The following SYTL5 variants were observed in gnomAD, a reference collection of about 807,000 sequenced individuals.
The protein encoded by SYTL5 is synaptotagmin like 5.
Under a neutral mutation model 55.9 loss-of-function variants are expected in SYTL5, and 34 were observed. The ratio of observed to expected loss-of-function variants is 0.61; its 90% CI spans 0.46 to 0.81. The LOEUF (loss-of-function observed/expected upper bound fraction) is 0.81, where lower values mean the gene tolerates loss of function less well. SYTL5 is among the 30% of genes least tolerant of loss of function. The pLI, the probability that SYTL5 is intolerant of heterozygous loss-of-function variation, is 0.00. For synonymous variants in SYTL5, 221 were observed against 188.7 expected (o/e 1.17, Z -1.40); for missense variants, 637 against 546.7 (o/e 1.17, Z -1.65).
the SYTL5 span, among the ~76,000 whole-genome samples, chrX:37,998,039 C>G: frequency 1.8e-5 from 2 of 112,041 alleles, no homozygotes; most frequent in African/African-American, 6.5e-5. Flanking sequence ...AGAGGAGCTT[C>G]CCACTCCAAG....
the SYTL5 span, among the ~76,000 whole-genome samples, chrX:37,899,339 A>T: frequency 9.0e-6 from 1 of 111,384 alleles, no homozygotes; most frequent in Non-Finnish European, 1.9e-5. Flanking sequence ...TAGCTGAGCT[A>T]ATGAGGCTCA....
chrX:37,908,082 A>T, the SYTL5 span, among the ~76,000 whole-genome samples: 1 of 102,055 alleles, frequency 9.8e-6, no homozygotes. Context: ...GCACCACTAC[A>T]TTCTAGTTTG....
At chrX:38,119,296 T>C (rs769689074) in intron 13 of SYTL5, among the ~76,000 whole-genome samples, 2 of 111,673 alleles carry the variant, frequency 1.8e-5, no homozygotes, top group South Asian at 3.8e-4. Context: ...TAATACCACA[T>C]GTCCCTCAGG....
At chrX:38,049,121 A>T (rs1274904230) in intron 2 of SYTL5, among the ~76,000 whole-genome samples, 1 of 110,945 alleles carries the variant, frequency 9.0e-6, no homozygotes, top group Non-Finnish European at 1.9e-5. Context: ...TATTTTAGTG[A>T]TTTTTGTGTC....
intron 1 of SYTL5, among the ~76,000 whole-genome samples, chrX:38,011,921 ATAACT>A (rs778346493): frequency 7.2e-5 from 8 of 111,567 alleles, no homozygotes; most frequent in Non-Finnish European, 1.1e-4. Context: ...AGCTACAAAA[ATAACT>A]TAATAGGCTT....
the SYTL5 span, among the ~76,000 whole-genome samples, chrX:37,972,677 G>A: frequency 8.9e-6 from 1 of 111,863 alleles, no homozygotes; most frequent in African/African-American, 3.3e-5. Flanking sequence ...GAGAACATGT[G>A]CCCCAGGTCT....
At chrX:37,900,270 T>A in the SYTL5 span, among the ~76,000 whole-genome samples, 1 of 112,399 alleles carries the variant, frequency 8.9e-6, no homozygotes, top group African/African-American at 3.2e-5. Flanking sequence ...CCAGATAGTG[T>A]TCTAGGCATT....
chrX:37,906,204 G>C, the SYTL5 span: 3 of 112,128 alleles, frequency 2.7e-5, no homozygotes, highest in African/African-American at 9.7e-5. Flanking sequence ...CGGGGAGGGG[G>C]TCTTCCAGCC....
At chrX:37,992,197 GC>G in the SYTL5 span, among the ~76,000 whole-genome samples, 1 of 112,878 alleles carries the variant, frequency 8.9e-6, no homozygotes, top group Non-Finnish European at 1.9e-5. Context: ...CCAAGTGGCG[GC>G]CTCTAAAGCA....
the SYTL5 span, among the ~76,000 whole-genome samples, chrX:37,935,293 T>A: frequency 1.2e-4 from 13 of 111,767 alleles, no homozygotes; most frequent in East Asian, 2.2e-3. Flanking sequence ...GCATTCCGGA[T>A]AAATAAAAAC....
At chrX:37,964,656 G>A in the SYTL5 span, among the ~76,000 whole-genome samples, 6 of 111,314 alleles carry the variant, frequency 5.4e-5, no homozygotes, top group Non-Finnish European at 1.1e-4. Context: ...AAGACTTTGA[G>A]AATTATTGGT....
At chrX:37,960,962 A>AT in the SYTL5 span, among the ~76,000 whole-genome samples, 13 of 107,146 alleles carry the variant, frequency 1.2e-4, no homozygotes, top group Non-Finnish European at 2.1e-4. Context: ...CGCCCAGCTA[A>AT]TTTTTTTGTA....
the SYTL5 span, chrX:37,939,468 G>C: frequency 1.8e-5 from 2 of 111,576 alleles, no homozygotes; most frequent in Non-Finnish European, 3.8e-5. Context: ...GACCTGTATA[G>C]GGCAGCGGCA....
chrX:38,011,214 T>C (rs1196093147), intron 1 of SYTL5, among the ~76,000 whole-genome samples: 2 of 112,743 alleles, frequency 1.8e-5, no homozygotes, highest in Middle Eastern at 4.6e-3. Flanking sequence ...ATAAGATTTA[T>C]ACTAAGTAAT....
intron 1 of SYTL5, among the ~76,000 whole-genome samples, chrX:38,024,302 C>T (rs781161178): frequency 1.8e-5 from 2 of 110,737 alleles, no homozygotes; most frequent in African/African-American, 6.6e-5. Flanking sequence ...GGCAGTTACC[C>T]TGCACTCGCT....
At chrX:37,950,492 C>A in the SYTL5 span, among the ~76,000 whole-genome samples, 1 of 111,450 alleles carries the variant, frequency 9.0e-6, no homozygotes, top group African/African-American at 3.2e-5. Flanking sequence ...CAGGATATAT[C>A]TTTATTTACT....
At chrX:38,003,737 T>C (rs150932784), upstream of SYTL5, among the ~76,000 whole-genome samples, 41 of 112,146 alleles carry the variant, frequency 3.7e-4, no homozygotes, top group African/African-American at 1.3e-3. Context: ...TTTAAGTTCA[T>C]ATTTTGAGTT....
At chrX:38,080,879 G>T (rs1936514506) in intron 6 of SYTL5, among the ~76,000 whole-genome samples, 1 of 111,789 alleles carries the variant, frequency 8.9e-6, no homozygotes. Flanking sequence ...CAAGGTGGGA[G>T]TGTTTAACTC....
chrX:37,941,985 G>A, the SYTL5 span, among the ~76,000 whole-genome samples: 5 of 111,691 alleles, frequency 4.5e-5, no homozygotes, highest in African/African-American at 9.8e-5. Flanking sequence ...AGGGTTAACC[G>A]TTTTGGTAGG....
Sources: gnomAD v4.1 joint callset for allele counts (sites outside exome capture counted in the v4.1 genomes callset) on GRCh38, gnomAD v4.1.1 for gene constraint, MANE v1.5 for transcripts, NCBI Gene and HGNC (gene_info 2026-07-23, HGNC 2026-07-21) for gene names.